NEBL: variants seen among roughly 807,000 people sequenced by gnomAD.
NEBL encodes the protein nebulette, also known as LIM and SH3 protein 2.
A neutral mutation model predicts 140.2 loss-of-function variants in NEBL; 122 were observed. That is an observed-to-expected ratio of 0.87 (90% CI 0.75 to 1.01). The LOEUF (loss-of-function observed/expected upper bound fraction) is 1.01, where lower values mean the gene tolerates loss of function less well. Ranked by LOEUF, NEBL falls within the 50% of genes least tolerant of loss-of-function variation. The pLI, the probability that NEBL is intolerant of heterozygous loss-of-function variation, is 0.00. For missense variants in NEBL, 1,365 were observed against 1,231.3 expected, an observed-to-expected ratio of 1.11 and a Z score of -1.62; for synonymous variants, 436 against 398.9, an observed-to-expected ratio of 1.09 and a Z score of -1.11.
At chr10:20,898,819 A>C (rs1179092602), upstream of NEBL, among the ~76,000 whole-genome samples, 1 of 152,062 alleles carries the variant, frequency 6.6e-6, no homozygotes, top group African/African-American at 2.4e-5. Flanking sequence ...TTTTTTAATC[A>C]TACCCACTAC....
At chr10:21,086,110 C>A (rs1333657269) in intron 2 of NEBL, among the ~76,000 whole-genome samples, 1 of 152,000 alleles carries the variant, frequency 6.6e-6, no homozygotes. Flanking sequence ...AGAAAACAAG[C>A]AAAAGAGACT....
chr10:21,210,691 A>G (rs1246439831), intron 3 of NEBL, among the ~76,000 whole-genome samples: 3 of 152,198 alleles, frequency 2.0e-5, no homozygotes, highest in African/African-American at 7.2e-5. Context: ...ACTTATTCCC[A>G]CTGGTTCTGG....
In NEBL at chr10:20,831,522, T is replaced by C. The variant is rs1034563316; in HGVS notation, c.1511A>G (p.Asp504Gly). 1 of 1,612,818 alleles carries C rather than the reference T, an allele frequency of 6.2e-7. No homozygotes were observed. Among genetic ancestry groups the C allele is most frequent in the African/African-American group, 1.3e-5 (1 of 74,696 alleles). Reference sequence around the variant, plus strand: ...CTTAGCTCTCTGGACATCAAGAGTGTCTGTGCTCACCTGCATCCCTTTCCC... The same window carrying C: ...CTTAGCTCTCTGGACATCAAGAGTGCCTGTGCTCACCTGCATCCCTTTCCC... ...IKGKGMQVST[D>G]TLDVQRAKKA... The change falls in exon 15 of 28, where the codon GAC (aspartate) becomes GGC (glycine). Residue 504 changes from aspartate to glycine, a missense_variant. Coordinates refer to ENST00000377122, the MANE Select transcript of NEBL (RefSeq NM_006393.3).
At position 21,093,202 on chromosome 10, in the gene NEBL, A is replaced by G. The variant is rs553724008; in HGVS notation, c.165-73001T>C. On this transcript the variant is annotated intron_variant, in intron 2 of 6. Transcript: ENST00000417816. The stretch of plus-strand genomic sequence containing the variant: ...GAGCCAAATGAAGATTCTTCAAGAT[A>G]TGGTATCTTTTCACTTGGCTGTTTC... 1.5e-4 allele frequency among the ~76,000 whole-genome samples: 18 copies of G among 119,332 alleles called. 1 individual carries two copies. The South Asian group carries it at 4.9e-3, about 33-fold the overall frequency. The allele number at this position is 119,332 out of a possible 152,430, so 78.3% of individuals were successfully genotyped here. A position where few individuals can be genotyped will look rare whatever the true frequency, so the allele number is the denominator to read the frequency against.
chr10:21,036,798 T>A (rs546917835), intron 2 of NEBL, among the ~76,000 whole-genome samples: 28 of 152,202 alleles, frequency 1.8e-4, no homozygotes, highest in African/African-American at 6.0e-4. Context: ...ACATACCCTG[T>A]CTTGAGGCCA....
intron 26 of NEBL, among the ~76,000 whole-genome samples, chr10:20,796,802 G>A (rs1836590652): frequency 6.6e-6 from 1 of 152,130 alleles, no homozygotes; most frequent in African/African-American, 2.4e-5. Flanking sequence ...ATATAAGCAG[G>A]ATTGTCGGTG....
At chr10:21,245,728 A>T (rs1425579775) in intron 3 of NEBL, among the ~76,000 whole-genome samples, 2 of 151,598 alleles carry the variant, frequency 1.3e-5, no homozygotes, top group African/African-American at 4.9e-5. Context: ...ATGGAGACGA[A>T]GTCTTGCTCT....
Position 20,808,597 on chromosome 10 carries a change from C to A in NEBL, c.2674G>T (p.Gly892Cys). 2 of 1,613,582 alleles carry A rather than the reference C, an allele frequency of 1.2e-6. No homozygotes were observed. Among genetic ancestry groups the A allele is most frequent in the East Asian group, 2.2e-5 (1 of 44,850 alleles). Reference protein sequence around the residue: ...RSHSSSTFGTGLGDDRSEISE... With the variant: ...RSHSSSTFGTCLGDDRSEISE... ...ATTTCTGACCTGTCGTCTCCGAGACCTGTACCGAAAGTACTGCTGGAATGG... is the reference window on the plus strand; with the variant it reads ...ATTTCTGACCTGTCGTCTCCGAGACATGTACCGAAAGTACTGCTGGAATGG... The change falls in exon 26 of 28, where the codon GGT becomes TGT. Residue 892 changes from glycine (G) to cysteine (C), a missense_variant. By Grantham distance (159) the Gly-to-Cys change is radical (BLOSUM62 -3). Around this residue, in one of 2 missense-constraint regions of NEBL, gnomAD observed 1,323 missense variants for 1,154.8 expected, o/e 1.15. Coordinates refer to ENST00000377122, the MANE Select transcript of NEBL (RefSeq NM_006393.3).
chr10:20,963,402 T>C (rs1358893496), intron 3 of NEBL, among the ~76,000 whole-genome samples: 1 of 152,152 alleles, frequency 6.6e-6, no homozygotes, highest in African/African-American at 2.4e-5. Flanking sequence ...TAGGAAGAAA[T>C]GCCTGTGAGA....
chr10:20,919,262 A>G (rs1486256817), intron 4 of NEBL, among the ~76,000 whole-genome samples: 4 of 152,192 alleles, frequency 2.6e-5, no homozygotes. Context: ...CTGGTTGAGA[A>G]CATAGGTTCC....
intron 4 of NEBL, among the ~76,000 whole-genome samples, chr10:20,957,219 T>G (rs1835847816): frequency 6.6e-6 from 1 of 152,150 alleles, no homozygotes; most frequent in Non-Finnish European, 1.5e-5. Context: ...ACTCACAAAA[T>G]CTCAGGGAAC....
At chr10:21,084,475 CTG>C (rs1248726593) in intron 2 of NEBL, among the ~76,000 whole-genome samples, 1 of 151,994 alleles carries the variant, frequency 6.6e-6, no homozygotes, top group Non-Finnish European at 1.5e-5. Flanking sequence ...ATCCTAGCTA[CTG>C]GGGAGGCTGA....
At chr10:20,802,467 T>C (rs1362226726) in intron 26 of NEBL, among the ~76,000 whole-genome samples, 2 of 152,314 alleles carry the variant, frequency 1.3e-5, no homozygotes, top group East Asian at 1.9e-4. Context: ...ACAGTAGAGA[T>C]GTAAAATGCA....
At chr10:20,812,654 G>A (rs1283706234) in intron 24 of NEBL, 115 bp downstream of exon 24, 98 of 1,303,318 alleles carry the variant, frequency 7.5e-5, no homozygotes, top group Non-Finnish European at 1.1e-4. Flanking sequence ...TTTAAATTGG[G>A]TACCACAACC....
intron 3 of NEBL, among the ~76,000 whole-genome samples, chr10:21,246,388 G>A (rs528956339): frequency 8.5e-5 from 13 of 152,256 alleles, no homozygotes; most frequent in African/African-American, 2.2e-4. Context: ...AAAATGTTAC[G>A]TCATACAAAA....
At chr10:20,967,482 G>A (rs1001312496) in intron 3 of NEBL, among the ~76,000 whole-genome samples, 3 of 152,160 alleles carry the variant, frequency 2.0e-5, no homozygotes, top group African/African-American at 4.8e-5. Context: ...ACAAAAATTA[G>A]CCGGGTGTGA....
chr10:20,792,746 G>A (rs1430077850), intron 26 of NEBL, among the ~76,000 whole-genome samples: 1 of 151,732 alleles, frequency 6.6e-6, no homozygotes, highest in Non-Finnish European at 1.5e-5. Flanking sequence ...GTTGCAGTGA[G>A]CTGAGATCGT....
intron 7 of NEBL, among the ~76,000 whole-genome samples, chr10:20,864,590 C>A (rs1030550419): frequency 6.6e-6 from 1 of 152,124 alleles, no homozygotes; most frequent in Non-Finnish European, 1.5e-5. Flanking sequence ...CTTGTCATTG[C>A]CTTCTCTGTT....
At chr10:21,269,937 A>T (rs7919417) in intron 1 of NEBL, among the ~76,000 whole-genome samples, 66,890 of 152,070 alleles carry the variant, frequency 0.44, 15,892 homozygotes, top group African/African-American at 0.61. Context: ...GTACGGAATT[A>T]ACCTGAAAGA....
Sources: gnomAD v4.1 joint callset for allele counts (sites outside exome capture counted in the v4.1 genomes callset) on GRCh38, gnomAD v4.1.1 for gene constraint, gnomAD v4.1.1 regional missense constraint, MANE v1.5 for transcripts, NCBI Gene and HGNC (gene_info 2026-07-23, HGNC 2026-07-21) for gene names.